The following MAMLD1 variants were observed in gnomAD, a reference collection of about 807,000 sequenced individuals.
MAMLD1 encodes mastermind-like domain-containing protein 1.
In MAMLD1, 14 loss-of-function variants were observed where a neutral mutation model predicts 45.0. The ratio of observed to expected loss-of-function variants is 0.31; its 90% CI spans 0.21 to 0.49. The LOEUF is 0.49. Among genes scored for constraint, MAMLD1 ranks in the 20% least tolerant of loss-of-function variants. MAMLD1 has a pLI of 0.99. For synonymous variants in MAMLD1, 254 were observed against 247.8 expected (o/e 1.02, Z -0.24); for missense variants, 543 against 603.6 (o/e 0.90, Z 1.05).
chrX:150,512,860 G>T lies in MAMLD1; in HGVS notation c.*901G>T. 1 of 1,155,825 alleles carries T rather than the reference G, an allele frequency of 8.7e-7. No homozygotes were observed. Among genetic ancestry groups the T allele is most frequent in the Non-Finnish European group, 1.1e-6 (1 of 872,801 alleles). The stretch of plus-strand genomic sequence containing the variant: ...TGCCACCTGCCGACTTTTTGCGCCA[G>T]CCCCAACCCCCACTAAATGATCTGA... On this transcript the variant is annotated 3_prime_UTR_variant, in exon 8 of 8. Coordinates refer to ENST00000370401, the MANE Select transcript of MAMLD1 (RefSeq NM_005491.5).
intron 1 of MAMLD1, among the ~76,000 whole-genome samples, chrX:150,373,862 G>A (rs887733388): frequency 1.8e-5 from 2 of 111,793 alleles, no homozygotes; most frequent in East Asian, 5.6e-4. Context: ...GCTGTTTAGG[G>A]CACAGGTAAG....
chrX:150,448,892 T>C (rs964316974), intron 2 of MAMLD1, among the ~76,000 whole-genome samples: 5 of 111,761 alleles, frequency 4.5e-5, no homozygotes, highest in Admixed American at 9.5e-5. Context: ...CCACCATAAG[T>C]GGCAAAGATT....
At chrX:150,462,403 AG>A (rs1557405661) in intron 2 of MAMLD1, among the ~76,000 whole-genome samples, 1 of 111,981 alleles carries the variant, frequency 8.9e-6, no homozygotes, top group East Asian at 2.8e-4. Context: ...GGCCCCATTC[AG>A]GATAGTTCCC....
upstream of MAMLD1, among the ~76,000 whole-genome samples, chrX:150,362,327 G>A (rs1273888134): frequency 1.1e-4 from 12 of 111,159 alleles, no homozygotes; most frequent in Non-Finnish European, 1.9e-5. Flanking sequence ...AGGCTACTTT[G>A]TGATGAGACT....
intron 1 of MAMLD1, among the ~76,000 whole-genome samples, chrX:150,366,966 A>G (rs782121221): frequency 9.3e-6 from 1 of 107,585 alleles, no homozygotes; most frequent in East Asian, 2.9e-4. Flanking sequence ...CCCTTTAAAA[A>G]TATCACAAAG....
intron 1 of MAMLD1, among the ~76,000 whole-genome samples, chrX:150,433,577 T>C (rs782758627): frequency 8.0e-5 from 9 of 111,955 alleles, no homozygotes; most frequent in East Asian, 5.6e-4. Flanking sequence ...TTTTGAAGTA[T>C]GTCCCTTCAA....
At chrX:150,405,056 TGG>T (rs1177961905) in intron 1 of MAMLD1, among the ~76,000 whole-genome samples, 3 of 112,373 alleles carry the variant, frequency 2.7e-5, no homozygotes, top group Non-Finnish European at 5.6e-5. Context: ...GTAGAATGCT[TGG>T]GTTATATGGT....
At chrX:150,494,186 A>G (rs782726802) in intron 5 of MAMLD1, among the ~76,000 whole-genome samples, 20 of 111,065 alleles carry the variant, frequency 1.8e-4, no homozygotes, top group Non-Finnish European at 3.6e-4. Flanking sequence ...ACGAGATCAG[A>G]AGTTCGAGAC....
At chrX:150,393,066 T>A (rs2033259192) in intron 1 of MAMLD1, among the ~76,000 whole-genome samples, 1 of 111,759 alleles carries the variant, frequency 8.9e-6, no homozygotes, top group Non-Finnish European at 1.9e-5. Context: ...AATACACAGA[T>A]CACTTTCATT....
intron 1 of MAMLD1, among the ~76,000 whole-genome samples, chrX:150,443,204 T>C (rs1230884144): frequency 9.3e-6 from 1 of 107,899 alleles, no homozygotes; most frequent in African/African-American, 3.4e-5. Flanking sequence ...TTTGGGGAGT[T>C]TTCAGCAATT....
chrX:150,450,336 A>T (rs2035621468), intron 2 of MAMLD1, among the ~76,000 whole-genome samples: 1 of 112,229 alleles, frequency 8.9e-6, no homozygotes, highest in Non-Finnish European at 1.9e-5. Flanking sequence ...GAGAAAACCC[A>T]GATTTACAGC....
At chrX:150,476,893 T>A (rs2036595483) in intron 5 of MAMLD1, among the ~76,000 whole-genome samples, 1 of 113,365 alleles carries the variant, frequency 8.8e-6, no homozygotes, top group African/African-American at 3.2e-5. Context: ...GTTGGGCCTA[T>A]GAAGAGGATC....
At chrX:150,381,576 G>C (rs1193387063) in intron 1 of MAMLD1, among the ~76,000 whole-genome samples, 1 of 112,168 alleles carries the variant, frequency 8.9e-6, no homozygotes, top group Non-Finnish European at 1.9e-5. Context: ...CCAGTAATCT[G>C]TTCTCCATTC....
At chrX:150,499,185 G>A (rs2037480067) in intron 5 of MAMLD1, among the ~76,000 whole-genome samples, 1 of 111,872 alleles carries the variant, frequency 8.9e-6, no homozygotes, top group Non-Finnish European at 1.9e-5. Context: ...TCGCTTTCTT[G>A]GGTTTTCTCT....
At chrX:150,398,566 G>T (rs1391731634) in intron 1 of MAMLD1, among the ~76,000 whole-genome samples, 1 of 111,263 alleles carries the variant, frequency 9.0e-6, no homozygotes, top group African/African-American at 3.3e-5. Context: ...TTACCCTGGG[G>T]TACTCTCAGT....
intron 2 of MAMLD1, among the ~76,000 whole-genome samples, chrX:150,450,769 A>G (rs1167285078): frequency 9.0e-6 from 1 of 111,650 alleles, no homozygotes; most frequent in African/African-American, 3.3e-5. Flanking sequence ...ACCCCTGAGG[A>G]TGCCACAGTC....
rs1174092962 is a variant in MAMLD1, at chrX:150,430,019, CTTTTTTTT to C, written c.-63-15418_-63-15411del. ...CCATTTTCTTTTCTTTCTTTCTTTT[CTTTTTTTT>C]TTTTTTTTTTTTTTTTGACAGTCTC... On this transcript the variant is annotated intron_variant, in intron 1 of 7. Coordinates refer to ENST00000370401, the MANE Select transcript of MAMLD1 (RefSeq NM_005491.5). Among the ~76,000 whole-genome samples the C allele has an allele frequency of 6.1e-5, 3 of 49,228 alleles. No individual in the cohort carries two copies. In the Admixed American group the frequency reaches 1.1e-3, roughly 18 times the overall value. The allele number at this position is 49,228 out of a possible 115,157, so 42.7% of individuals were successfully genotyped here. A position where few individuals can be genotyped will look rare whatever the true frequency, so the allele number is the denominator to read the frequency against.
chrX:150,477,891 T>A (rs1279830702), intron 5 of MAMLD1, among the ~76,000 whole-genome samples: 1 of 111,196 alleles, frequency 9.0e-6, no homozygotes, highest in Non-Finnish European at 1.9e-5. Flanking sequence ...GCGGAAAGCG[T>A]GTACATGAGT....
intron 5 of MAMLD1, among the ~76,000 whole-genome samples, chrX:150,500,267 G>C (rs187281664): frequency 1.5e-3 from 166 of 111,891 alleles, no homozygotes; most frequent in Non-Finnish European, 2.6e-3. Context: ...TTCCAGGCTT[G>C]GCAAACCAAG....
Sources: allele counts gnomAD v4.1 joint callset (sites outside exome capture counted in the v4.1 genomes callset), GRCh38; gene constraint gnomAD v4.1.1; transcripts MANE v1.5; gene names NCBI Gene and HGNC (gene_info 2026-07-23, HGNC 2026-07-21).